IRF2: variants seen among roughly 807,000 people sequenced by gnomAD.
IRF2 encodes interferon regulatory factor 2.
In IRF2, 15 loss-of-function variants were observed where a neutral mutation model predicts 40.6. That is an observed-to-expected ratio of 0.37 (90% CI 0.25 to 0.57). The LOEUF (loss-of-function observed/expected upper bound fraction) is 0.57, where lower values mean the gene tolerates loss of function less well. Among genes scored for constraint, IRF2 ranks in the 20% least tolerant of loss-of-function variants. The pLI is 0.77. For missense variants in IRF2, 317 were observed against 455.7 expected, an observed-to-expected ratio of 0.70 and a Z score of 2.77; for synonymous variants, 151 against 165.5, an observed-to-expected ratio of 0.91 and a Z score of 0.67.
chr4:184,445,090 G>C (rs560899227), intron 1 of IRF2, among the ~76,000 whole-genome samples: 1 of 152,160 alleles, frequency 6.6e-6, no homozygotes, highest in Non-Finnish European at 1.5e-5. Context: ...ACCAATGACA[G>C]TCAGAGTTCC....
chr4:184,431,536 C>T (rs1737877539), intron 1 of IRF2, among the ~76,000 whole-genome samples: 1 of 152,216 alleles, frequency 6.6e-6, no homozygotes, highest in Admixed American at 6.5e-5. Flanking sequence ...GACCACCAGC[C>T]CAGCCTGATC....
intron 1 of IRF2, among the ~76,000 whole-genome samples, chr4:184,466,105 A>C (rs1477116631): frequency 1.3e-5 from 2 of 148,754 alleles, no homozygotes; most frequent in African/African-American, 5.1e-5. Flanking sequence ...TTGTCACCCA[A>C]GCTGGTGCGA....
At chr4:184,422,411 T>C (rs1420738455) in intron 2 of IRF2, among the ~76,000 whole-genome samples, 1 of 152,232 alleles carries the variant, frequency 6.6e-6, no homozygotes. Context: ...AATTACCTGA[T>C]GATCCAGGAA....
chr4:184,458,387 A>G (rs1356017954), intron 1 of IRF2, among the ~76,000 whole-genome samples: 1 of 152,168 alleles, frequency 6.6e-6, no homozygotes, highest in African/African-American at 2.4e-5. Flanking sequence ...GAAATTTTCA[A>G]CCTTACATCT....
At chr4:184,399,780 T>C (rs1281106699) in intron 6 of IRF2, among the ~76,000 whole-genome samples, 3 of 152,142 alleles carry the variant, frequency 2.0e-5, no homozygotes, top group African/African-American at 7.2e-5. Context: ...TGGCAAACAT[T>C]AGTAGCATCA....
In IRF2 at chr4:184,408,204, C is replaced by G; in HGVS notation, c.483G>C (p.Leu161=). 6.2e-7 allele frequency: 1 copy of G among 1,613,322 alleles called. No homozygotes were observed. The highest frequency in any genetic ancestry group is 8.5e-7 in the Non-Finnish European group (1 of 1,179,216). ...VSDLSPEYAV[L]TSTIKNEVDS... is the part of the protein sequence containing the mutation. ...CCACTTCATTTTTTATAGTTGAAGT[C>G]AGGACCGCATACTCAGGAGAAAGAT... The change falls in exon 6 of 9, where the codon CTG becomes CTC. Residue 161 remains leucine (L), a synonymous_variant. Coordinates refer to ENST00000393593, the MANE Select transcript of IRF2 (RefSeq NM_002199.4). This position sits in a 1 kb window ranked among gnomAD's most constrained non-coding sequence, Gnocchi z 4.9.
intron 5 of IRF2, among the ~76,000 whole-genome samples, chr4:184,416,726 A>C (rs892734213): frequency 6.9e-6 from 1 of 145,366 alleles, no homozygotes; most frequent in African/African-American, 2.4e-5. Context: ...TCCAAAAAAT[A>C]GTTCAAAAAA....
In IRF2 at chr4:184,398,970, C is replaced by G. The variant is rs758246792; in HGVS notation, c.639G>C (p.Pro213=). ...GAGGGTAGAGCTCGCTCATGCTGACCGGCTGCTCGTCGCTCTCAGTGGTCA... is the reference window on the plus strand; with the variant it reads ...GAGGGTAGAGCTCGCTCATGCTGACGGGCTGCTCGTCGCTCTCAGTGGTCA... ...VEVTTESDEQ[P]VSMSELYPLQ... is the part of the protein sequence containing the mutation. Residue 213 remains proline (P), a synonymous_variant, in exon 7 of 9, where the codon CCG becomes CCC. Transcript: ENST00000393593. 3.7e-6 allele frequency: 6 copies of G among 1,612,908 alleles called. No individual in the cohort carries two copies. The highest frequency in any genetic ancestry group is 5.1e-6 in the Non-Finnish European group (6 of 1,179,636).
intron 7 of IRF2, among the ~76,000 whole-genome samples, chr4:184,396,564 G>A (rs965310443): frequency 6.6e-6 from 1 of 151,532 alleles, no homozygotes; most frequent in Non-Finnish European, 1.5e-5. Context: ...CCTTCCAAGT[G>A]GCTGGGACTA....
At chr4:184,418,141 T>C (rs1327118300) in intron 5 of IRF2, 26 bp downstream of exon 5, 4 of 1,599,962 alleles carry the variant, frequency 2.5e-6, no homozygotes, top group Non-Finnish European at 3.4e-6. Flanking sequence ...CAACTTTGGC[T>C]TTCTCTCTGA....
chr4:184,398,574 T>C (rs1736550648), intron 7 of IRF2, among the ~76,000 whole-genome samples: 1 of 151,440 alleles, frequency 6.6e-6, no homozygotes, highest in Non-Finnish European at 1.5e-5. Flanking sequence ...AAGAATCTCT[T>C]GAACCTGGGA....
rs1436691522 is a variant in IRF2, at chr4:184,390,655, G to A, written c.741+48C>T. Reference sequence around the variant, plus strand: ...AGCAAGGAAAGCCCGGAGCTGGTCGGGAGGCTTTTCCTTGGCAGCATCGTG... The same window carrying A: ...AGCAAGGAAAGCCCGGAGCTGGTCGAGAGGCTTTTCCTTGGCAGCATCGTG... On this transcript the variant is annotated intron_variant, in intron 8 of 8. Transcript: ENST00000393593. The A allele has an allele frequency of 5.0e-6, 8 of 1,593,458 alleles. No homozygotes were observed. The East Asian group carries it at 6.7e-5, about 13-fold the overall frequency.
At chr4:184,456,052 C>T (rs1469814871) in intron 1 of IRF2, among the ~76,000 whole-genome samples, 2 of 152,204 alleles carry the variant, frequency 1.3e-5, no homozygotes, top group African/African-American at 4.8e-5. Flanking sequence ...TCGAAGCCTG[C>T]CAGGAAGAGC....
At chr4:184,410,344 A>G (rs138427048) in intron 5 of IRF2, among the ~76,000 whole-genome samples, 286 of 152,336 alleles carry the variant, frequency 1.9e-3, no homozygotes, top group Admixed American at 3.1e-3. Context: ...AGCACTCACC[A>G]TTACCAAAGG....
intron 1 of IRF2, among the ~76,000 whole-genome samples, chr4:184,442,971 G>A (rs1384685975): frequency 6.6e-6 from 1 of 152,078 alleles, no homozygotes; most frequent in Non-Finnish European, 1.5e-5. Flanking sequence ...TGTCACCCAG[G>A]CTGGAGTGCA....
rs755792258 is a variant in IRF2, at chr4:184,390,745, G to A, written c.699C>T (p.Ser233=). The A allele has an allele frequency of 4.9e-5, 79 of 1,614,130 alleles. No homozygotes were observed. Among genetic ancestry groups the A allele is most frequent in the South Asian group, 9.9e-5 (9 of 91,082 alleles). The change falls in exon 8 of 9, where the codon AGC becomes AGT. Residue 233 remains serine (S), a synonymous_variant. Transcript: ENST00000393593. ...QISPVSSYAE[S]ETTDSVPSDE... ...CGCTGGGCACACTATCAGTCGTTTC[G>A]CTTTCTGTTCACAGAGAGAAAAACA...
At chr4:184,400,658 G>A (rs558421940) in intron 6 of IRF2, among the ~76,000 whole-genome samples, 8 of 152,094 alleles carry the variant, frequency 5.3e-5, no homozygotes, top group Admixed American at 2.0e-4. Context: ...CGGAGTGACC[G>A]TGCCATTTTA....
At chr4:184,455,460 A>T (rs1181369340) in intron 1 of IRF2, among the ~76,000 whole-genome samples, 1 of 151,172 alleles carries the variant, frequency 6.6e-6, no homozygotes, top group Non-Finnish European at 1.5e-5. Context: ...CCACCTTCTG[A>T]TGCAACCAAA....
intron 2 of IRF2, among the ~76,000 whole-genome samples, chr4:184,419,878 T>TA (rs1348972737): frequency 6.6e-6 from 1 of 152,164 alleles, no homozygotes; most frequent in Non-Finnish European, 1.5e-5. Flanking sequence ...TTTCAATATA[T>TA]TTTTTTGGAG....
Sources: allele counts gnomAD v4.1 joint callset (sites outside exome capture counted in the v4.1 genomes callset), GRCh38; gene constraint gnomAD v4.1.1; non-coding constraint Gnocchi (gnomAD v3.1); transcripts MANE v1.5; gene names NCBI Gene and HGNC (gene_info 2026-07-23, HGNC 2026-07-21).